SLMAP: variants seen among roughly 807,000 people sequenced by gnomAD.
The protein encoded by SLMAP is sarcolemma associated protein, also known as sarcolemmal membrane-associated protein.
In SLMAP, 44 loss-of-function variants were observed where a neutral mutation model predicts 128.8. That is an observed-to-expected ratio of 0.34 (90% confidence interval 0.27 to 0.44). The LOEUF is 0.44. Among genes scored for constraint, SLMAP ranks in the 20% least tolerant of loss-of-function variants. The pLI is 1.00. For missense variants in SLMAP, 787 were observed against 985.3 expected (o/e 0.80, Z 2.69); for synonymous variants, 327 against 348.8 (o/e 0.94, Z 0.70).
intron 15 of SLMAP, chr3:57,896,212 T>C (rs992237028): frequency 3.7e-5 from 40 of 1,078,388 alleles, no homozygotes; most frequent in Non-Finnish European, 4.3e-5. Context: ...GTTCTTTGAA[T>C]ACTTTAGCAA....
chr3:57,883,012 T>A (rs905905583), intron 14 of SLMAP, among the ~76,000 whole-genome samples: 2 of 152,192 alleles, frequency 1.3e-5, no homozygotes, highest in African/African-American at 4.8e-5. Flanking sequence ...CTTCTCTACT[T>A]TCACCAGACC....
intron 2 of SLMAP, among the ~76,000 whole-genome samples, chr3:57,818,486 G>A (rs1337261406): frequency 2.0e-5 from 3 of 152,214 alleles, no homozygotes; most frequent in Admixed American, 2.0e-4. Flanking sequence ...GAAGTATGGG[G>A]ATAATATAAC....
chr3:57,826,972 G>C (rs909552604), intron 2 of SLMAP, among the ~76,000 whole-genome samples: 1 of 152,034 alleles, frequency 6.6e-6, no homozygotes, highest in African/African-American at 2.4e-5. Context: ...ACCTACTTTT[G>C]TTACAAATGT....
intron 14 of SLMAP, among the ~76,000 whole-genome samples, chr3:57,886,050 G>A (rs2095877486): frequency 1.3e-5 from 2 of 150,496 alleles, no homozygotes; most frequent in South Asian, 2.1e-4. Flanking sequence ...CCAAAGTGCT[G>A]GAATTACAGG....
intron 2 of SLMAP, among the ~76,000 whole-genome samples, chr3:57,802,363 C>T (rs1034095348): frequency 5.9e-5 from 9 of 151,982 alleles, no homozygotes; most frequent in Non-Finnish European, 1.2e-4. Flanking sequence ...CTGCAACCTC[C>T]GTCTCCTGGG....
In SLMAP at chr3:57,927,903, G is replaced by A. The variant is rs2097033538; in HGVS notation, c.*614G>A. On this transcript the variant is annotated 3_prime_UTR_variant, in exon 25 of 25. Coordinates refer to ENST00000671191, the MANE Select transcript of SLMAP (RefSeq NM_001377540.1). ...TTTTTACTTGTTATGAAACCACTGA[G>A]CTATTGGGAACAAGACTTAGAGACA... 6.6e-6 allele frequency: 1 copy of A among 151,486 alleles called. No homozygotes were observed. The highest frequency in any genetic ancestry group is 1.5e-5 in the Non-Finnish European group (1 of 67,862). 9.4% of individuals were successfully genotyped at this position (151,486 alleles called of 1,614,324 possible). A position where few individuals can be genotyped will look rare whatever the true frequency, so the allele number is the denominator to read the frequency against.
chr3:57,810,053 C>G (rs971600026), intron 2 of SLMAP, among the ~76,000 whole-genome samples: 3 of 152,156 alleles, frequency 2.0e-5, no homozygotes, highest in African/African-American at 7.2e-5. Context: ...TGGAGCTCCC[C>G]AAGCCAGGGC....
chr3:57,760,121 G>A (rs982622054), intron 2 of SLMAP, among the ~76,000 whole-genome samples: 2 of 152,032 alleles, frequency 1.3e-5, no homozygotes, highest in Non-Finnish European at 2.9e-5. Context: ...TATATTCTTC[G>A]TAGATACTGG....
At chr3:57,788,987 C>G (rs1197649457) in intron 2 of SLMAP, among the ~76,000 whole-genome samples, 2 of 152,082 alleles carry the variant, frequency 1.3e-5, no homozygotes, top group Non-Finnish European at 2.9e-5. Flanking sequence ...TTGTTTTTCT[C>G]CAGTTTTAAT....
chr3:57,910,915 G>A (rs1489611298), intron 19 of SLMAP, among the ~76,000 whole-genome samples: 3 of 152,086 alleles, frequency 2.0e-5, no homozygotes, highest in African/African-American at 7.2e-5. Flanking sequence ...ACTAGTCTTT[G>A]GGGTCCTATT....
chr3:57,868,173 T>A (rs1279984009), intron 13 of SLMAP, among the ~76,000 whole-genome samples: 1 of 151,986 alleles, frequency 6.6e-6, no homozygotes, highest in African/African-American at 2.4e-5. Flanking sequence ...GATGGGAGAA[T>A]CACTTGATCC....
intron 2 of SLMAP, among the ~76,000 whole-genome samples, chr3:57,801,673 G>T (rs2088436207): frequency 6.7e-6 from 1 of 148,996 alleles, no homozygotes; most frequent in South Asian, 2.1e-4. Flanking sequence ...TATAAATCAT[G>T]CTTTGCTCAG....
intron 21 of SLMAP, among the ~76,000 whole-genome samples, chr3:57,915,299 ACTC>A (rs1368288898): frequency 6.6e-6 from 1 of 152,126 alleles, no homozygotes; most frequent in African/African-American, 2.4e-5. Context: ...AAGCCTACAA[ACTC>A]CTAGTGAGTA....
At chr3:57,795,737 C>A (rs552392436) in intron 2 of SLMAP, among the ~76,000 whole-genome samples, 157 of 152,112 alleles carry the variant, frequency 1.0e-3, no homozygotes, top group Non-Finnish European at 2.5e-4. Flanking sequence ...GCATTAAGTA[C>A]ATTCACAGTG....
chr3:57,824,200 C>T (rs2092750002), intron 2 of SLMAP, among the ~76,000 whole-genome samples: 1 of 151,966 alleles, frequency 6.6e-6, no homozygotes, highest in Non-Finnish European at 1.5e-5. Context: ...AACTTGAAGA[C>T]AAAGCAATTG....
Position 57,795,315 on chromosome 3 carries a change from G to A in SLMAP, c.199-36068G>A, listed in dbSNP as rs146543376. 1.8e-3 allele frequency among the ~76,000 whole-genome samples: 271 copies of A among 152,010 alleles called. 1 individual carries two copies. Among genetic ancestry groups the A allele is most frequent in the African/African-American group, 6.2e-3 (256 of 41,300 alleles). ...AGCACTGTGGGAAGCTGAGGCGGGC[G>A]GATCACGAGTTCAGGAGTTTGAGAC... On this transcript the variant is annotated intron_variant, in intron 2 of 24. Coordinates refer to ENST00000671191, the MANE Select transcript of SLMAP (RefSeq NM_001377540.1).
At chr3:57,811,115 T>A (rs1297366786) in intron 2 of SLMAP, among the ~76,000 whole-genome samples, 2 of 152,234 alleles carry the variant, frequency 1.3e-5, no homozygotes. Flanking sequence ...ATTGTAGCCA[T>A]TTTTAAGTAT....
intron 2 of SLMAP, among the ~76,000 whole-genome samples, chr3:57,817,923 G>A (rs2092066461): frequency 1.3e-5 from 2 of 152,138 alleles, no homozygotes; most frequent in Non-Finnish European, 2.9e-5. Flanking sequence ...TCTTACCATT[G>A]TGACTATAGA....
chr3:57,918,570 T>C (rs1363668422), intron 22 of SLMAP: 3 of 152,208 alleles, frequency 2.0e-5, no homozygotes, highest in African/African-American at 7.2e-5. Context: ...CACTCCTTTG[T>C]AATGTGAAAT....
Sources: allele counts gnomAD v4.1 joint callset (sites outside exome capture counted in the v4.1 genomes callset), GRCh38; gene constraint gnomAD v4.1.1; transcripts MANE v1.5; gene names NCBI Gene and HGNC (gene_info 2026-07-23, HGNC 2026-07-21).